Variants in CNTN5 observed in about 807,000 individuals in gnomAD.
The protein encoded by CNTN5 is contactin 5.
Under a neutral mutation model 129.1 loss-of-function variants are expected in CNTN5, and 77 were observed. The ratio of observed to expected loss-of-function variants is 0.60; its 90% CI spans 0.50 to 0.72. CNTN5 has a LOEUF of 0.72. Ranked by LOEUF, CNTN5 falls within the 30% of genes least tolerant of loss-of-function variation. The probability of loss-of-function intolerance (pLI) is 0.00; values close to 1 mark genes in which losing one functional copy is unlikely to be tolerated. For missense variants in CNTN5, 1,478 were observed against 1,328.8 expected (o/e 1.11, Z -1.75); for synonymous variants, 509 against 465.6 (o/e 1.09, Z -1.20).
At chr11:99,369,311 G>C (rs1295235687) in intron 2 of CNTN5, among the ~76,000 whole-genome samples, 1 of 122,086 alleles carries the variant, frequency 8.2e-6, no homozygotes, top group Non-Finnish European at 1.8e-5. Context: ...CAGTCAAGAA[G>C]GAACCTTTGT....
intron 16 of CNTN5, among the ~76,000 whole-genome samples, chr11:100,250,799 C>A (rs1949947934): frequency 1.3e-5 from 2 of 152,066 alleles, no homozygotes; most frequent in African/African-American, 2.4e-5. Context: ...GCAATATACC[C>A]TTCTTTAAGA....
chr11:99,979,078 G>T (rs774633451), intron 8 of CNTN5, among the ~76,000 whole-genome samples: 4 of 152,086 alleles, frequency 2.6e-5, no homozygotes, highest in Non-Finnish European at 4.4e-5. Flanking sequence ...GTAAAGATTA[G>T]AATAATTATA....
At chr11:100,178,339 T>C (rs1948033555) in intron 13 of CNTN5, among the ~76,000 whole-genome samples, 1 of 152,174 alleles carries the variant, frequency 6.6e-6, no homozygotes, top group Non-Finnish European at 1.5e-5. Context: ...TTCCCTTTTT[T>C]CTTAAAATCT....
chr11:99,725,397 AAG>A (rs1260583874), intron 3 of CNTN5, among the ~76,000 whole-genome samples: 4 of 151,982 alleles, frequency 2.6e-5, no homozygotes, highest in South Asian at 2.1e-4. Context: ...ACTTTTCACA[AAG>A]AGAAATTTTC....
At chr11:99,463,445 A>AAAG (rs1411100408) in intron 2 of CNTN5, among the ~76,000 whole-genome samples, 1 of 150,622 alleles carries the variant, frequency 6.6e-6, no homozygotes, top group East Asian at 1.9e-4. Flanking sequence ...CTCAAAAAGA[A>AAAG]AAAAAAAAAA....
At chr11:99,272,341 A>T (rs1863213902) in intron 1 of CNTN5, among the ~76,000 whole-genome samples, 1 of 151,758 alleles carries the variant, frequency 6.6e-6, no homozygotes, top group African/African-American at 2.4e-5. Context: ...TGATTGGTCA[A>T]CATAGAGTTT....
chr11:99,233,870 C>G (rs149089663), intron 1 of CNTN5, among the ~76,000 whole-genome samples: 2 of 152,054 alleles, frequency 1.3e-5, no homozygotes, highest in African/African-American at 4.8e-5. Context: ...GGTGTGAACC[C>G]GGAAGGCGGA....
intron 8 of CNTN5, among the ~76,000 whole-genome samples, chr11:99,974,085 T>C (rs924424755): frequency 6.6e-6 from 1 of 152,246 alleles, no homozygotes; most frequent in Non-Finnish European, 1.5e-5. Context: ...GCTGCCTAAG[T>C]GGAAGGCTTG....
intron 8 of CNTN5, among the ~76,000 whole-genome samples, chr11:99,982,224 A>G (rs538108455): frequency 6.6e-5 from 10 of 152,368 alleles, no homozygotes; most frequent in Admixed American, 3.9e-4. Context: ...TCAAGTGGAA[A>G]CTAAGGTTGA....
chr11:99,326,872 A>C (rs1438967922), intron 2 of CNTN5, among the ~76,000 whole-genome samples: 2 of 152,190 alleles, frequency 1.3e-5, no homozygotes, highest in Non-Finnish European at 2.9e-5. Flanking sequence ...ATTGTAAGCC[A>C]AATTTTGCCA....
chr11:99,984,257 T>G (rs1938532325), intron 8 of CNTN5, among the ~76,000 whole-genome samples: 1 of 148,920 alleles, frequency 6.7e-6, no homozygotes, highest in Non-Finnish European at 1.5e-5. Flanking sequence ...CACCTGGGTG[T>G]CAGCTAGACT....
intron 3 of CNTN5, among the ~76,000 whole-genome samples, chr11:99,648,318 G>A (rs1017949426): frequency 6.6e-6 from 1 of 151,514 alleles, no homozygotes; most frequent in Non-Finnish European, 1.5e-5. Context: ...TGTAAAAAAT[G>A]TTCAGCATTA....
At position 99,412,691 on chromosome 11, in the gene CNTN5, C is replaced by T. The variant is rs547893524; in HGVS notation, c.-71+87207C>T. Among the ~76,000 whole-genome samples the T allele has an allele frequency of 7.2e-5, 11 of 152,268 alleles. No individual in the cohort carries two copies. The South Asian group carries it at 2.1e-3, about 29-fold the overall frequency. On this transcript the variant is annotated intron_variant, in intron 2 of 24. Transcript: ENST00000524871. Reference sequence around the variant, plus strand: ...AGAAATAATATAAAATTCCCGAGGTCGCCATGCCACACTCATTGTGAACTC... The same window carrying T: ...AGAAATAATATAAAATTCCCGAGGTTGCCATGCCACACTCATTGTGAACTC...
At chr11:100,248,886 A>G (rs536314475) in intron 16 of CNTN5, among the ~76,000 whole-genome samples, 13 of 152,306 alleles carry the variant, frequency 8.5e-5, no homozygotes, top group Middle Eastern at 3.4e-3. Flanking sequence ...AAGTCAATAC[A>G]CAACTTTCTG....
chr11:99,793,468 C>T (rs1343631532), intron 3 of CNTN5, among the ~76,000 whole-genome samples: 2 of 152,094 alleles, frequency 1.3e-5, no homozygotes, highest in African/African-American at 4.8e-5. Context: ...TTCTTGTCTT[C>T]CGCTAGATTT....
At chr11:99,813,249 C>G (rs568375365) in intron 3 of CNTN5, among the ~76,000 whole-genome samples, 4 of 152,216 alleles carry the variant, frequency 2.6e-5, no homozygotes, top group African/African-American at 7.2e-5. Context: ...GGTCCAGACC[C>G]CATCAGAGCA....
chr11:100,086,950 T>C (rs557447427), intron 13 of CNTN5, among the ~76,000 whole-genome samples: 1 of 151,776 alleles, frequency 6.6e-6, no homozygotes, highest in Admixed American at 6.6e-5. Flanking sequence ...TGAGCTGAGC[T>C]TCTATCTTAA....
chr11:99,881,514 T>G (rs1022476565), intron 6 of CNTN5, among the ~76,000 whole-genome samples: 10 of 152,328 alleles, frequency 6.6e-5, no homozygotes, highest in Admixed American at 5.9e-4. Context: ...TCCACTATTA[T>G]GAATTACAGC....
At chr11:99,430,450 T>C (rs1268893830) in intron 2 of CNTN5, among the ~76,000 whole-genome samples, 2 of 149,742 alleles carry the variant, frequency 1.3e-5, no homozygotes, top group African/African-American at 4.9e-5. Flanking sequence ...AATATATTTA[T>C]AAGGCCTTTA....
Sources: allele counts gnomAD v4.1 joint callset (sites outside exome capture counted in the v4.1 genomes callset), GRCh38; gene constraint gnomAD v4.1.1; transcripts MANE v1.5; gene names NCBI Gene and HGNC (gene_info 2026-07-23, HGNC 2026-07-21).